ASXL1: variants seen among roughly 807,000 people sequenced by gnomAD.
ASXL1 encodes the protein polycomb group protein ASXL1.
Under a neutral mutation model 89.1 loss-of-function variants are expected in ASXL1, and 65 were observed. The observed-to-expected ratio is 0.73, with a 90% CI of 0.60 to 0.90. The LOEUF (loss-of-function observed/expected upper bound fraction) is 0.90, where lower values mean the gene tolerates loss of function less well. Among genes scored for constraint, ASXL1 ranks in the 40% least tolerant of loss-of-function variants. The probability of loss-of-function intolerance (pLI) is 0.00; values close to 1 mark genes in which losing one functional copy is unlikely to be tolerated. For missense variants in ASXL1, 1,786 were observed against 1,942.9 expected, an observed-to-expected ratio of 0.92 and a Z score of 1.52; for synonymous variants, 739 against 746.9, an observed-to-expected ratio of 0.99 and a Z score of 0.17.
intron 4 of ASXL1, among the ~76,000 whole-genome samples, chr20:32,421,807 A>G (rs975687857): frequency 4.0e-5 from 6 of 151,510 alleles, no homozygotes; most frequent in Non-Finnish European, 5.9e-5. Flanking sequence ...AAAGTACGTT[A>G]TGGAGATAGA....
At chr20:32,408,415 C>T (rs1243746062) in intron 4 of ASXL1, among the ~76,000 whole-genome samples, 1 of 152,102 alleles carries the variant, frequency 6.6e-6, no homozygotes, top group African/African-American at 2.4e-5. Context: ...TGTTCTGTTC[C>T]ATTAATCTAT....
chr20:32,423,007 G>A (rs753615769), intron 4 of ASXL1, among the ~76,000 whole-genome samples: 7 of 152,074 alleles, frequency 4.6e-5, no homozygotes, highest in Non-Finnish European at 8.8e-5. Context: ...CATGTTTTCT[G>A]GCACCTGTTA....
intron 1 of ASXL1, among the ~76,000 whole-genome samples, chr20:32,366,113 G>A (rs1464157535): frequency 6.6e-6 from 1 of 152,178 alleles, no homozygotes; most frequent in Non-Finnish European, 1.5e-5. Context: ...AAGCTGAACA[G>A]TAACCAGTGT....
rs983365733 is a variant in ASXL1, at chr20:32,374,869, A to G, written c.252+5746A>G. Among the ~76,000 whole-genome samples, 5 of 152,300 alleles carry G rather than the reference A, an allele frequency of 3.3e-5. No homozygotes were observed. In the East Asian group the frequency reaches 9.6e-4, roughly 29 times the overall value. ...ATACATATATATATATTTTTACTTT[A>G]CGTTTATTTATTTTGAAAAATTTCA... On this transcript the variant is annotated intron_variant, in intron 4 of 12. Coordinates refer to ENST00000375687, the MANE Select transcript of ASXL1 (RefSeq NM_015338.6).
At chr20:32,385,736 C>T (rs1181620192) in intron 4 of ASXL1, among the ~76,000 whole-genome samples, 3 of 152,112 alleles carry the variant, frequency 2.0e-5, no homozygotes, top group African/African-American at 4.8e-5. Context: ...CGCCCCCTTA[C>T]GATCCAGTGC....
chr20:32,397,062 C>G (rs1354931026), intron 4 of ASXL1, among the ~76,000 whole-genome samples: 6 of 147,936 alleles, frequency 4.1e-5, no homozygotes, highest in Non-Finnish European at 7.5e-5. Context: ...TTCTTTTTCC[C>G]GAGATGAAGT....
At chr20:32,409,920 CTT>C (rs1272138655) in intron 4 of ASXL1, among the ~76,000 whole-genome samples, 2 of 152,084 alleles carry the variant, frequency 1.3e-5, no homozygotes, top group Admixed American at 6.6e-5. Context: ...TCTTTTATGA[CTT>C]AATTTTTTTT....
At chr20:32,370,640 T>C (rs1398386085) in intron 4 of ASXL1, among the ~76,000 whole-genome samples, 1 of 152,190 alleles carries the variant, frequency 6.6e-6, no homozygotes, top group Non-Finnish European at 1.5e-5. Context: ...GTTTTCTTGA[T>C]GGACTGTATT....
In ASXL1 at chr20:32,428,511, A is replaced by G. The variant is rs3818190; in HGVS notation, c.471+89A>G. 0.39 allele frequency: 489,563 copies of G among 1,247,160 alleles called. 101,056 individuals are homozygous for G. Among genetic ancestry groups the G allele is most frequent in the East Asian group, 0.72 (31,073 of 43,038 alleles). The allele number at this position is 1,247,160 out of a possible 1,614,324, so 77.3% of individuals were successfully genotyped here. ...CCTTCTCCTGTAGTGAGCTGTGAAC[A>G]TGTTCAGAGAGTGAAGAATAGAAGT... On this transcript the variant is annotated intron_variant, in intron 6 of 12. Transcript: ENST00000375687.
chr20:32,429,793 C>T lies in ASXL1; in HGVS notation c.566-108C>T. The T allele has an allele frequency of 7.0e-7, 1 of 1,435,418 alleles. No individual in the cohort carries two copies. Among genetic ancestry groups the T allele is most frequent in the Non-Finnish European group, 9.5e-7 (1 of 1,056,032 alleles). The allele number at this position is 1,435,418 out of a possible 1,614,324, so 88.9% of individuals were successfully genotyped here. ...CCTAAGGCTGGGAGATGGAAGCATCCCAGTATTGCTGGCAGCATCTCAGGG... is the reference window on the plus strand; with the variant it reads ...CCTAAGGCTGGGAGATGGAAGCATCTCAGTATTGCTGGCAGCATCTCAGGG... On this transcript the variant is annotated intron_variant, in intron 7 of 12. Coordinates refer to ENST00000375687, the MANE Select transcript of ASXL1 (RefSeq NM_015338.6). This position sits in a 1 kb window ranked among gnomAD's most constrained non-coding sequence, Gnocchi z 4.9.
chr20:32,385,844 C>T (rs2122959169), intron 4 of ASXL1, among the ~76,000 whole-genome samples: 1 of 152,338 alleles, frequency 6.6e-6, no homozygotes, highest in Admixed American at 6.5e-5. Flanking sequence ...TTTCCCATGG[C>T]AGTTGCAGAA....
intron 4 of ASXL1, among the ~76,000 whole-genome samples, chr20:32,400,592 C>T (rs1057143229): frequency 1.3e-5 from 2 of 152,172 alleles, no homozygotes; most frequent in Non-Finnish European, 2.9e-5. Context: ...CCTCTCCTTG[C>T]TGCCCATGGT....
intron 4 of ASXL1, among the ~76,000 whole-genome samples, chr20:32,423,480 T>TC (rs1171695214): frequency 2.0e-5 from 3 of 151,894 alleles, no homozygotes; most frequent in African/African-American, 4.8e-5. Context: ...CTTCAGGTGG[T>TC]CCCCCCATCT....
chr20:32,415,030 T>A (rs892155623), intron 4 of ASXL1, among the ~76,000 whole-genome samples: 4 of 152,024 alleles, frequency 2.6e-5, no homozygotes, highest in Non-Finnish European at 5.9e-5. Flanking sequence ...TTGTTTGAGA[T>A]GGAGTTTATC....
intron 4 of ASXL1, among the ~76,000 whole-genome samples, chr20:32,399,495 CG>C (rs2048831354): frequency 7.1e-6 from 1 of 141,524 alleles, no homozygotes; most frequent in Non-Finnish European, 1.5e-5. Context: ...CTTCAGGTTT[CG>C]GATTTTTTTT....
intron 4 of ASXL1, among the ~76,000 whole-genome samples, chr20:32,405,261 C>T (rs1317755738): frequency 6.6e-6 from 1 of 152,056 alleles, no homozygotes; most frequent in Non-Finnish European, 1.5e-5. Flanking sequence ...AAGTGTGTGC[C>T]ACCATGCCTG....
chr20:32,434,737 TGAGCCCAGGGG>T lies in ASXL1; in HGVS notation c.2026_2036del (p.Glu676ArgfsTer38). Reference sequence around the variant, plus strand: ...ATGGTGGTGAGGCCTGTGGCCACCCTGAGCCCAGGGGAGGCCCGAGCACCCCTGGAAAGTGT... The same window carrying T: ...ATGGTGGTGAGGCCTGTGGCCACCCTAGGCCCGAGCACCCCTGGAAAGTGT... On this transcript the variant is annotated frameshift_variant, in exon 13 of 13. Coordinates refer to ENST00000375687, the MANE Select transcript of ASXL1 (RefSeq NM_015338.6). LOFTEE classifies it low-confidence loss of function (END_TRUNC). 1 of 1,612,760 alleles carries T rather than the reference TGAGCCCAGGGG, an allele frequency of 6.2e-7. No homozygotes were observed. Among genetic ancestry groups the T allele is most frequent in the Non-Finnish European group, 8.5e-7 (1 of 1,179,738 alleles).
chr20:32,416,391 A>G (rs1027369012), intron 4 of ASXL1, among the ~76,000 whole-genome samples: 2 of 152,052 alleles, frequency 1.3e-5, no homozygotes, highest in Non-Finnish European at 2.9e-5. Context: ...CCAAACCCCA[A>G]TCCCTCTGTC....
intron 4 of ASXL1, among the ~76,000 whole-genome samples, chr20:32,385,120 TGGAAC>T (rs2048556868): frequency 6.6e-6 from 1 of 152,176 alleles, no homozygotes; most frequent in Admixed American, 6.5e-5. Flanking sequence ...GAAGAAAAAA[TGGAAC>T]CTGATGTTTG....
Sources: gnomAD v4.1 joint callset for allele counts (sites outside exome capture counted in the v4.1 genomes callset) on GRCh38, gnomAD v4.1.1 for gene constraint, Gnocchi (gnomAD v3.1) non-coding constraint, MANE v1.5 for transcripts, NCBI Gene and HGNC (gene_info 2026-07-23, HGNC 2026-07-21) for gene names.